The following HMCN1 variants were observed in gnomAD, a reference collection of about 807,000 sequenced individuals.
The protein encoded by HMCN1 is hemicentin 1, also known as hemicentin-1.
HMCN1 carries 321 observed loss-of-function variants against 625.9 expected under a neutral mutation model. That is an observed-to-expected ratio of 0.51 (90% CI 0.47 to 0.56). The LOEUF is 0.56. Ranked by LOEUF, HMCN1 falls within the 20% of genes least tolerant of loss-of-function variation. The probability of loss-of-function intolerance (pLI) is 0.00; values close to 1 mark genes in which losing one functional copy is unlikely to be tolerated. For missense variants in HMCN1, 6,588 were observed against 6,887.3 expected, an observed-to-expected ratio of 0.96 and a Z score of 1.54; for synonymous variants, 2,425 against 2,417.6, an observed-to-expected ratio of 1.00 and a Z score of -0.09.
intron 4 of HMCN1, among the ~76,000 whole-genome samples, chr1:185,899,773 T>C (rs1456285692): frequency 6.6e-6 from 1 of 152,114 alleles, no homozygotes; most frequent in African/African-American, 2.4e-5. Flanking sequence ...ATGTGTGTTC[T>C]AATTTGGCAC....
intron 1 of HMCN1, among the ~76,000 whole-genome samples, chr1:185,740,290 C>G (rs1401951970): frequency 6.6e-6 from 1 of 152,120 alleles, no homozygotes; most frequent in East Asian, 1.9e-4. Context: ...GGAGAATAGA[C>G]AGGACACTAT....
chr1:186,156,825 C>A (rs1254104418), intron 97 of HMCN1, among the ~76,000 whole-genome samples: 1 of 152,084 alleles, frequency 6.6e-6, no homozygotes, highest in African/African-American at 2.4e-5. Flanking sequence ...CTCATTTATT[C>A]ATTTAACAAA....
chr1:186,034,472 C>G lies in HMCN1; in HGVS notation c.5750-3462C>G, dbSNP rs537205529. On this transcript the variant is annotated intron_variant, in intron 36 of 106. Transcript: ENST00000271588. ...AATACCCCTGGGGAAAAGGTTTGCA[C>G]TGACAGAACAATTGAATCTGGTTAA... Among the ~76,000 whole-genome samples the G allele has an allele frequency of 1.4e-4, 22 of 152,254 alleles. No homozygotes were observed. The East Asian group carries it at 4.3e-3, about 29-fold the overall frequency.
rs367914815 is a variant in HMCN1, at chr1:185,977,851, A to G, written c.2436A>G (p.Leu812=). Residue 812 remains leucine (L), a synonymous_variant, in exon 16 of 107, where the codon TTA becomes TTG. Transcript: ENST00000271588. ...TGGAAATTGGCTCAAATGTGACATT[A>G]CCTTGTTATGTTCAGGGTTATCCAG... ...VSMEIGSNVT[L]PCYVQGYPEP... is the part of the protein sequence containing the mutation. The G allele has an allele frequency of 6.2e-7, 1 of 1,613,328 alleles. No homozygotes were observed. Among genetic ancestry groups the G allele is most frequent in the Non-Finnish European group, 8.5e-7 (1 of 1,179,446 alleles).
intron 42 of HMCN1, 132 bp from the exon 43 acceptor site, chr1:186,052,820 A>T (rs1335047444): frequency 1.3e-6 from 1 of 759,612 alleles, no homozygotes; most frequent in Non-Finnish European, 2.3e-6. Context: ...TTTTAATTTG[A>T]TGTTGATGTC....
chr1:186,130,688 T>C lies in HMCN1; in HGVS notation c.13221T>C (p.Tyr4407=). 2 of 1,612,464 alleles carry C rather than the reference T, an allele frequency of 1.2e-6. No individual in the cohort carries two copies. The highest frequency in any genetic ancestry group is 1.7e-5 in the Admixed American group (1 of 59,928). Residue 4407 remains tyrosine, a synonymous_variant, in exon 85 of 107, where the codon TAT becomes TAC. Coordinates refer to ENST00000271588, the MANE Select transcript of HMCN1 (RefSeq NM_031935.3). ...RQLGNGSLAI[Y]GTVNEDAGDY... is the part of the protein sequence containing the mutation. Reference sequence around the variant, plus strand: ...TGGGCAATGGCTCCCTGGCCATCTATGGCACTGTTGTAAGTCACGCCAGAA... The same window carrying C: ...TGGGCAATGGCTCCCTGGCCATCTACGGCACTGTTGTAAGTCACGCCAGAA...
chr1:185,989,527 G>T lies in HMCN1; in HGVS notation c.3088G>T (p.Ala1030Ser). ...LISTSSAKFS[A>S]GADGSLYVVS... is the part of the protein sequence containing the mutation. Reference sequence around the variant, plus strand: ...TTCAACCAGCAGTGCTAAGTTTTCAGCAGGAGCTGATGGTAGTCTGTATGT... The same window carrying T: ...TTCAACCAGCAGTGCTAAGTTTTCATCAGGAGCTGATGGTAGTCTGTATGT... The change falls in exon 21 of 107, where the codon GCA becomes TCA. Residue 1030 changes from alanine to serine, a missense_variant. By Grantham distance (99) the Ala-to-Ser change is moderately conservative. This residue lies in a region of HMCN1 where 4,628 missense variants were observed against 4,853.1 expected (regional missense o/e 0.95). Coordinates refer to ENST00000271588, the MANE Select transcript of HMCN1 (RefSeq NM_031935.3). The T allele has an allele frequency of 6.2e-7, 1 of 1,614,094 alleles. No individual in the cohort carries two copies. Among genetic ancestry groups the T allele is most frequent in the Non-Finnish European group, 8.5e-7 (1 of 1,179,978 alleles).
At chr1:185,960,601 C>G (rs932701965) in intron 11 of HMCN1, among the ~76,000 whole-genome samples, 2 of 152,150 alleles carry the variant, frequency 1.3e-5, no homozygotes, top group African/African-American at 4.8e-5. Flanking sequence ...GGGTAACTGA[C>G]TTATTTTTAC....
In HMCN1 at chr1:185,909,355, G is replaced by C; in HGVS notation, c.640G>C (p.Glu214Gln). Residue 214 changes from glutamate to glutamine, a missense_variant, in exon 5 of 107, where the codon GAA (glutamate) becomes CAA (glutamine). Around this residue, in one of 3 missense-constraint regions of HMCN1, gnomAD observed 4,628 missense variants for 4,853.1 expected, o/e 0.95. Transcript: ENST00000271588. ...CTTATAGGTATTAAAATGGGTAGAAGAAGCAGTACAGGCCTCCAAAGTTCA... is the reference window on the plus strand; with the variant it reads ...CTTATAGGTATTAAAATGGGTAGAACAAGCAGTACAGGCCTCCAAAGTTCA... ...QVNEVLKWVE[E>Q]AVQASKVHLL... is the part of the protein sequence containing the mutation. The C allele has an allele frequency of 6.2e-7, 1 of 1,612,266 alleles. No individual in the cohort carries two copies. The highest frequency in any genetic ancestry group is 8.5e-7 in the Non-Finnish European group (1 of 1,178,494).
chr1:186,076,942 C>T (rs1225888232), intron 54 of HMCN1, among the ~76,000 whole-genome samples: 2 of 152,076 alleles, frequency 1.3e-5, no homozygotes, highest in African/African-American at 4.8e-5. Context: ...ATATTATTAA[C>T]ATAAATGCTA....
At chr1:186,049,816 T>C (rs1317449668) in intron 42 of HMCN1, among the ~76,000 whole-genome samples, 2 of 151,978 alleles carry the variant, frequency 1.3e-5, no homozygotes, top group Admixed American at 6.6e-5. Flanking sequence ...CATGCACTGA[T>C]GTAGAAAATG....
intron 56 of HMCN1, 151 bp downstream of exon 56, chr1:186,081,545 C>T (rs1322659044): frequency 1.1e-5 from 7 of 623,288 alleles, no homozygotes; most frequent in Non-Finnish European, 1.9e-5. Flanking sequence ...TAATAAAATT[C>T]TTCTTCCTCA....
At chr1:186,051,371 G>T (rs1656938540) in intron 42 of HMCN1, among the ~76,000 whole-genome samples, 1 of 152,060 alleles carries the variant, frequency 6.6e-6, no homozygotes, top group African/African-American at 2.4e-5. Flanking sequence ...AAGGAACAAA[G>T]AGGGTTGAGT....
At chr1:185,997,692 A>AT (rs924437753) in intron 25 of HMCN1, among the ~76,000 whole-genome samples, 168 bp downstream of exon 25, 22 of 151,716 alleles carry the variant, frequency 1.5e-4, no homozygotes, top group African/African-American at 4.1e-4. Flanking sequence ...TTGAATAAGT[A>AT]TTTTTTTTCC....
intron 1 of HMCN1, among the ~76,000 whole-genome samples, chr1:185,788,492 G>A (rs1319129963): frequency 6.6e-6 from 1 of 152,148 alleles, no homozygotes; most frequent in Non-Finnish European, 1.5e-5. Flanking sequence ...TTAAATAATA[G>A]ACATTTTAAC....
chr1:186,065,044 T>G (rs538711228), intron 48 of HMCN1, among the ~76,000 whole-genome samples, 194 bp from the exon 49 acceptor site: 1 of 152,266 alleles, frequency 6.6e-6, no homozygotes, highest in African/African-American at 2.4e-5. Flanking sequence ...AATCTATGCA[T>G]ATTTTTAAAG....
chr1:185,815,015 G>C (rs1383806492), intron 1 of HMCN1, among the ~76,000 whole-genome samples: 1 of 150,040 alleles, frequency 6.7e-6, no homozygotes, highest in Admixed American at 6.6e-5. Context: ...TAATTTAGGG[G>C]TTATAGAGGG....
At chr1:185,768,352 G>T (rs1303708932) in intron 1 of HMCN1, among the ~76,000 whole-genome samples, 2 of 152,136 alleles carry the variant, frequency 1.3e-5, no homozygotes, top group African/African-American at 4.8e-5. Flanking sequence ...AAAAAAGTAA[G>T]AATTTTTAGA....
chr1:185,859,021 GTGT>G (rs1558020446), intron 2 of HMCN1, among the ~76,000 whole-genome samples: 1,009 of 5,084 alleles, frequency 0.2, 16 homozygotes, highest in African/African-American at 0.44. Flanking sequence ...GGTTAAAGAT[GTGT>G]GTGTGTGTGT....
Sources: gnomAD v4.1 joint callset for allele counts (sites outside exome capture counted in the v4.1 genomes callset) on GRCh38, gnomAD v4.1.1 for gene constraint, gnomAD v4.1.1 regional missense constraint, MANE v1.5 for transcripts, NCBI Gene and HGNC (gene_info 2026-07-23, HGNC 2026-07-21) for gene names.